RASAL2: variants seen among roughly 807,000 people sequenced by gnomAD.
RASAL2 encodes the protein ras GTPase-activating protein nGAP.
A neutral mutation model predicts 128.9 loss-of-function variants in RASAL2; 58 were observed. That is an observed-to-expected ratio of 0.45 (90% CI 0.36 to 0.56). The LOEUF (loss-of-function observed/expected upper bound fraction) is 0.56. Ranked by LOEUF, RASAL2 falls within the 20% of genes least tolerant of loss-of-function variation. The probability of loss-of-function intolerance (pLI) is 0.00; values close to 1 mark genes in which losing one functional copy is unlikely to be tolerated. For missense variants in RASAL2, 1,360 were observed against 1,601.6 expected, an observed-to-expected ratio of 0.85 and a Z score of 2.57; for synonymous variants, 561 against 580.8, an observed-to-expected ratio of 0.97 and a Z score of 0.49.
chr1:178,341,703 C>T (rs1557914929), intron 3 of RASAL2: 2 of 1,549,398 alleles, frequency 1.3e-6, no homozygotes. Flanking sequence ...TGACTATTTA[C>T]CTTTATGATT....
chr1:178,160,361 G>A (rs1283805526), intron 1 of RASAL2, among the ~76,000 whole-genome samples: 3 of 152,186 alleles, frequency 2.0e-5, no homozygotes, highest in South Asian at 2.1e-4. Flanking sequence ...GTCGCTGGGC[G>A]CGGTGGCTCT....
chr1:178,367,832 ATAGT>A (rs1671483897), intron 3 of RASAL2, among the ~76,000 whole-genome samples: 5 of 152,236 alleles, frequency 3.3e-5, no homozygotes, highest in Admixed American at 3.3e-4. Context: ...CAGGCAGATA[ATAGT>A]TACTTTACTT....
intron 3 of RASAL2, among the ~76,000 whole-genome samples, chr1:178,338,586 GA>G (rs1436708752): frequency 6.6e-6 from 1 of 151,888 alleles, no homozygotes; most frequent in South Asian, 2.1e-4. Flanking sequence ...TCATAACTAA[GA>G]AAAAAAATCT....
rs111457716 is a variant in RASAL2 at position 178,200,347 on chromosome 1, G to A, written c.203-83217G>A. ...TGGCGTGAACTGTTTAGAGAGTTAT[G>A]CAAAATAAATGCGTTTGACATTCCT... On this transcript the variant is annotated intron_variant, in intron 1 of 17. Coordinates refer to ENST00000367649, the MANE Select transcript of RASAL2 (RefSeq NM_170692.4). Among the ~76,000 whole-genome samples, 872 of 152,300 alleles carry A rather than the reference G, an allele frequency of 5.7e-3. 9 individuals are homozygous for A. Among genetic ancestry groups the A allele is most frequent in the African/African-American group, 0.02 (834 of 41,566 alleles).
chr1:178,312,419 T>G (rs1182343456), intron 3 of RASAL2, among the ~76,000 whole-genome samples: 2 of 152,156 alleles, frequency 1.3e-5, no homozygotes, highest in Non-Finnish European at 2.9e-5. Flanking sequence ...TTTTTTCCAG[T>G]CCAGAATTGT....
In RASAL2 at chr1:178,274,896, T is replaced by C. The variant is rs150116174; in HGVS notation, c.203-8668T>C. Among the ~76,000 whole-genome samples, 331 of 152,322 alleles carry C rather than the reference T, an allele frequency of 2.2e-3. 1 individual carries two copies. The highest frequency in any genetic ancestry group is 7.6e-3 in the African/African-American group (316 of 41,570). On this transcript the variant is annotated intron_variant, in intron 1 of 17. Coordinates refer to ENST00000367649, the MANE Select transcript of RASAL2 (RefSeq NM_170692.4). The stretch of plus-strand genomic sequence containing the variant: ...ATGAGCCACCGTGCTTGGCTACACT[T>C]TTCTTAAATTAGCACAATATTTATT...
intron 1 of RASAL2, among the ~76,000 whole-genome samples, chr1:178,100,540 A>T (rs1460508880): frequency 6.6e-6 from 1 of 151,998 alleles, no homozygotes; most frequent in Non-Finnish European, 1.5e-5. Flanking sequence ...AAAAAAAAAA[A>T]AAAAGTTGTA....
intron 1 of RASAL2, among the ~76,000 whole-genome samples, chr1:178,213,320 A>G (rs979022688): frequency 1.3e-5 from 2 of 152,242 alleles, no homozygotes; most frequent in Admixed American, 6.5e-5. Flanking sequence ...CAGGGATTAC[A>G]GGCATGAGCC....
chr1:178,228,117 G>C (rs1663859810), intron 1 of RASAL2, among the ~76,000 whole-genome samples: 1 of 152,168 alleles, frequency 6.6e-6, no homozygotes, highest in Non-Finnish European at 1.5e-5. Context: ...TTAAATTTTA[G>C]CTAGCCGTGA....
chr1:178,212,097 A>G (rs547718252), intron 1 of RASAL2, among the ~76,000 whole-genome samples: 2 of 152,272 alleles, frequency 1.3e-5, no homozygotes, highest in Admixed American at 1.3e-4. Context: ...CTTCTTTTCT[A>G]TACTTCTAGG....
chr1:178,358,127 T>C (rs1670904675), intron 3 of RASAL2, among the ~76,000 whole-genome samples: 1 of 149,448 alleles, frequency 6.7e-6, no homozygotes, highest in South Asian at 2.1e-4. Context: ...TTCCAGCTAC[T>C]CAGGAGACCA....
chr1:178,133,137 G>A (rs1660184126), intron 1 of RASAL2, among the ~76,000 whole-genome samples: 1 of 152,164 alleles, frequency 6.6e-6, no homozygotes, highest in Admixed American at 6.5e-5. Context: ...AATTAAGAGT[G>A]CAGTTTGGTA....
At chr1:178,425,060 A>G (rs928053567) in intron 5 of RASAL2, among the ~76,000 whole-genome samples, 15 of 152,180 alleles carry the variant, frequency 9.9e-5, no homozygotes, top group African/African-American at 3.6e-4. Flanking sequence ...TCAAGGAGGA[A>G]ATGGTATCGG....
At position 178,322,932 on chromosome 1, in the gene RASAL2, A is replaced by G. The variant is rs1231114694; in HGVS notation, c.457+22814A>G. Among the ~76,000 whole-genome samples the G allele has an allele frequency of 3.3e-5, 5 of 152,282 alleles. No individual in the cohort carries two copies. In the East Asian group the frequency reaches 7.7e-4, roughly 24 times the overall value. On this transcript the variant is annotated intron_variant, in intron 3 of 17. Transcript: ENST00000367649. ...CACATAGGACTGCTTCAGATTCCCT[A>G]GGCATTCTCAATACACATGGGCTTT...
chr1:178,113,625 C>G (rs1277859557), intron 1 of RASAL2, among the ~76,000 whole-genome samples: 2 of 151,012 alleles, frequency 1.3e-5, no homozygotes, highest in Non-Finnish European at 2.9e-5. Flanking sequence ...TCAAGCAATC[C>G]CCCAACCTTC....
At chr1:178,097,914 T>A (rs1457335594) in intron 1 of RASAL2, among the ~76,000 whole-genome samples, 1 of 152,200 alleles carries the variant, frequency 6.6e-6, no homozygotes, top group Non-Finnish European at 1.5e-5. Flanking sequence ...TGTATTGCCA[T>A]GATTTGGAAA....
At chr1:178,371,077 T>C (rs1173168167) in intron 3 of RASAL2, among the ~76,000 whole-genome samples, 1 of 151,762 alleles carries the variant, frequency 6.6e-6, no homozygotes, top group African/African-American at 2.4e-5. Context: ...AACAAGGATA[T>C]TAATAATTTA....
intron 1 of RASAL2, among the ~76,000 whole-genome samples, chr1:178,096,624 C>A (rs544755335): frequency 1.4e-4 from 22 of 151,964 alleles, no homozygotes; most frequent in African/African-American, 5.1e-4. Flanking sequence ...GATGTCAAGA[C>A]TTCATATCAG....
chr1:178,278,573 A>G (rs2102198443), intron 1 of RASAL2, among the ~76,000 whole-genome samples: 1 of 152,324 alleles, frequency 6.6e-6, no homozygotes, highest in South Asian at 2.1e-4. Flanking sequence ...TGTGATTCAA[A>G]AGCAACTCAG....
Sources: gnomAD v4.1 joint callset for allele counts (sites outside exome capture counted in the v4.1 genomes callset) on GRCh38, gnomAD v4.1.1 for gene constraint, MANE v1.5 for transcripts, NCBI Gene and HGNC (gene_info 2026-07-23, HGNC 2026-07-21) for gene names.